BIRC6: variants seen among roughly 807,000 people sequenced by gnomAD.
BIRC6 encodes the protein baculoviral IAP repeat containing 6, also known as dual E2 ubiquitin-conjugating enzyme/E3 ubiquitin-protein ligase BIRC6.
A neutral mutation model predicts 503.3 loss-of-function variants in BIRC6; 98 were observed. The observed-to-expected ratio is 0.19, with a 90% confidence interval of 0.17 to 0.23. BIRC6 has a LOEUF of 0.23. Among genes scored for constraint, BIRC6 ranks in the 10% least tolerant of loss-of-function variants. The probability of loss-of-function intolerance (pLI) is 1.00; values close to 1 mark genes in which losing one functional copy is unlikely to be tolerated. For missense variants in BIRC6, 5,360 were observed against 5,806.0 expected (o/e 0.92, Z 2.50); for synonymous variants, 2,240 against 2,078.7 (o/e 1.08, Z -2.11).
chr2:32,382,042 G>A lies in BIRC6; in HGVS notation c.645+1752G>A, dbSNP rs540365146. Among the ~76,000 whole-genome samples the A allele has an allele frequency of 5.3e-5, 8 of 152,244 alleles. No homozygotes were observed. The South Asian group carries it at 1.5e-3, about 28-fold the overall frequency. ...TGAGTTTCAACAGAGATAATTTATTGTAAGAAATTAACTGGTGTTTGAAAA... is the reference window on the plus strand; with the variant it reads ...TGAGTTTCAACAGAGATAATTTATTATAAGAAATTAACTGGTGTTTGAAAA... On this transcript the variant is annotated intron_variant, in intron 3 of 73. Coordinates refer to ENST00000421745, the MANE Select transcript of BIRC6 (RefSeq NM_016252.4).
chr2:32,488,658 G>A lies in BIRC6; in HGVS notation c.8039G>A (p.Gly2680Glu). Reference protein sequence around the residue: ...NSSSTGNKENGADIFLYNANR... With the variant: ...NSSSTGNKENEADIFLYNANR... ...AGTTCAACTGGAAACAAAGAAAATG[G>A]AGCAGACATATTTTTATATAATGCT... The change falls in exon 42 of 74, where the codon GGA (glycine) becomes GAA (glutamate). Residue 2680 changes from glycine to glutamate, a missense_variant. This residue lies in a region of BIRC6 where 2,299 missense variants were observed against 2,267.2 expected (regional missense o/e 1.01). Transcript: ENST00000421745. The A allele has an allele frequency of 6.7e-7, 1 of 1,500,928 alleles. No homozygotes were observed. The highest frequency in any genetic ancestry group is 9.1e-7 in the Non-Finnish European group (1 of 1,104,792). The allele number at this position is 1,500,928 out of a possible 1,614,324, so 93.0% of individuals were successfully genotyped here.
chr2:32,592,841 C>T (rs1454042773), intron 66 of BIRC6, among the ~76,000 whole-genome samples: 1 of 151,692 alleles, frequency 6.6e-6, no homozygotes, highest in African/African-American at 2.4e-5. Context: ...GTGTTCCACC[C>T]GCCTCAGCCT....
chr2:32,420,582 T>G (rs954420547), intron 10 of BIRC6, among the ~76,000 whole-genome samples: 3 of 152,082 alleles, frequency 2.0e-5, no homozygotes, highest in Non-Finnish European at 2.9e-5. Context: ...GGTGCAGTTT[T>G]GGCTCACTGC....
chr2:32,469,758 G>GT, intron 30 of BIRC6, 144 bp downstream of exon 30: 1 of 734,048 alleles, frequency 1.4e-6, no homozygotes, highest in Non-Finnish European at 2.3e-6. Flanking sequence ...ACCAGTGAAG[G>GT]GCACCAGCAC....
At position 32,545,684 on chromosome 2, in the gene BIRC6, C is replaced by T; in HGVS notation, c.12634C>T (p.Leu4212Phe). ...QSPSANVLPT[L>F]PFHVLRSLFS... is the part of the protein sequence containing the mutation. Reference sequence around the variant, plus strand: ...TCCATCAGCCAATGTGCTTCCAACCCTTCCTTTCCACGTCCTTCGTAGCTT... The same window carrying T: ...TCCATCAGCCAATGTGCTTCCAACCTTTCCTTTCCACGTCCTTCGTAGCTT... The change falls in exon 63 of 74, where the codon CTT (leucine) becomes TTT (phenylalanine). Residue 4212 changes from leucine (L) to phenylalanine (F), a missense_variant. By Grantham distance (22) the Leu-to-Phe change is conservative (BLOSUM62 0). This residue lies in a region of BIRC6 where 477 missense variants were observed against 574.4 expected (regional missense o/e 0.83). Transcript: ENST00000421745. 1.2e-6 allele frequency: 2 copies of T among 1,613,850 alleles called. No homozygotes were observed. The highest frequency in any genetic ancestry group is 1.7e-6 in the Non-Finnish European group (2 of 1,179,792).
chr2:32,480,267 C>G (rs759771202), intron 37 of BIRC6, among the ~76,000 whole-genome samples: 11 of 152,122 alleles, frequency 7.2e-5, no homozygotes, highest in Non-Finnish European at 1.2e-4. Flanking sequence ...TCTGTCATTC[C>G]CAGCAGAGTT....
intron 8 of BIRC6, among the ~76,000 whole-genome samples, chr2:32,406,294 G>A (rs954255475): frequency 1.3e-5 from 2 of 152,060 alleles, no homozygotes; most frequent in Non-Finnish European, 2.9e-5. Context: ...TACACGGGAG[G>A]CTGAGGCAGG....
intron 60 of BIRC6, among the ~76,000 whole-genome samples, chr2:32,530,532 T>G (rs1023787080): frequency 3.9e-5 from 6 of 152,200 alleles, no homozygotes; most frequent in Non-Finnish European, 8.8e-5. Context: ...TAAATATTTT[T>G]GAATATCCAT....
rs773259395 is a variant in BIRC6, at chr2:32,464,832, T to C, written c.5256+9T>C. The C allele has an allele frequency of 1.9e-6, 3 of 1,593,412 alleles. No individual in the cohort carries two copies. Among genetic ancestry groups the C allele is most frequent in the South Asian group, 1.1e-5 (1 of 88,414 alleles). ...CCAACAAGTCCAGAATGGTAAATTA[T>C]GTTTTAAATAGGTGTTGGCTTAGAC... On this transcript the variant is annotated intron_variant, in intron 25 of 73. Transcript: ENST00000421745.
At position 32,559,736 on chromosome 2, in the gene BIRC6, A is replaced by AT. The variant is rs567309323; in HGVS notation, c.13144+10256dup. Among the ~76,000 whole-genome samples the AT allele has an allele frequency of 8.8e-3, 1,334 of 151,502 alleles. 21 individuals carry two copies. The highest frequency in any genetic ancestry group is 0.029 in the African/African-American group (1,214 of 41,292). ...CAAAATCTTTAAAAAAAAAAAAAAA[A>AT]TAAGGCCGGCACAGTGGCTCACACC... is the stretch of plus-strand genomic sequence containing the variant. On this transcript the variant is annotated intron_variant, in intron 65 of 73. Coordinates refer to ENST00000421745, the MANE Select transcript of BIRC6 (RefSeq NM_016252.4).
chr2:32,407,072 A>C (rs2041301234), intron 9 of BIRC6, among the ~76,000 whole-genome samples: 1 of 152,214 alleles, frequency 6.6e-6, no homozygotes, highest in African/African-American at 2.4e-5. Context: ...CAGAATTTAA[A>C]TCCTAACTCT....
chr2:32,575,748 G>C (rs112108096), intron 66 of BIRC6, among the ~76,000 whole-genome samples: 2 of 151,472 alleles, frequency 1.3e-5, no homozygotes, highest in African/African-American at 4.9e-5. Flanking sequence ...CTGGGTGACA[G>C]AGCGAGACTC....
intron 65 of BIRC6, among the ~76,000 whole-genome samples, chr2:32,569,324 G>A (rs2059764504): frequency 6.6e-6 from 1 of 151,678 alleles, no homozygotes; most frequent in Admixed American, 6.6e-5. Context: ...TACTTCCTTG[G>A]TTAAATATAT....
intron 65 of BIRC6, among the ~76,000 whole-genome samples, chr2:32,562,358 T>C (rs996863013): frequency 6.6e-6 from 1 of 152,244 alleles, no homozygotes; most frequent in African/African-American, 2.4e-5. Flanking sequence ...AGTACAGAGT[T>C]CCCATATATG....
chr2:32,555,653 A>G lies in BIRC6; in HGVS notation c.13144+6172A>G, dbSNP rs140102608. 8.6e-3 allele frequency among the ~76,000 whole-genome samples: 1,302 copies of G among 151,474 alleles called. 10 individuals are homozygous for G. Among genetic ancestry groups the G allele is most frequent in the Middle Eastern group, 0.021 (6 of 292 alleles). On this transcript the variant is annotated intron_variant, in intron 65 of 73. Coordinates refer to ENST00000421745, the MANE Select transcript of BIRC6 (RefSeq NM_016252.4). ...AAAAAAATAAAAAAATAAAAATAAA[A>G]TAATCTATCAGATTATTCTACTAAT...
Position 32,475,181 on chromosome 2 carries a change from GT to G in BIRC6, c.6721-1031del, listed in dbSNP as rs1222531126. On this transcript the variant is annotated intron_variant, in intron 33 of 73. Coordinates refer to ENST00000421745, the MANE Select transcript of BIRC6 (RefSeq NM_016252.4). ...TCTTAAAAAAAAAAAAAAAAAAAAA[GT>G]GTCAATAGTAGTAATTTAGAAAGTG... Among the ~76,000 whole-genome samples, 45 of 117,036 alleles carry G rather than the reference GT, an allele frequency of 3.8e-4. 1 individual carries two copies. Among genetic ancestry groups the G allele is most frequent in the African/African-American group, 1.5e-3 (43 of 28,962 alleles). 76.8% of individuals were successfully genotyped at this position (117,036 alleles called of 152,430 possible).
chr2:32,436,643 T>C (rs2044739644), intron 15 of BIRC6, among the ~76,000 whole-genome samples: 1 of 152,036 alleles, frequency 6.6e-6, no homozygotes, highest in African/African-American at 2.4e-5. Context: ...GTAGTGGCGC[T>C]ATCTTTGCTC....
chr2:32,371,597 G>A (rs2149277470), intron 1 of BIRC6, among the ~76,000 whole-genome samples: 1 of 152,140 alleles, frequency 6.6e-6, no homozygotes, highest in East Asian at 1.9e-4. Flanking sequence ...TACCCAGGCT[G>A]CTCTCAAACT....
At chr2:32,392,508 G>A (rs1264201748) in intron 5 of BIRC6, among the ~76,000 whole-genome samples, 1 of 152,036 alleles carries the variant, frequency 6.6e-6, no homozygotes, top group African/African-American at 2.4e-5. Flanking sequence ...TGCCTGCCTC[G>A]GCCTCCCAAA....
Sources: gnomAD v4.1 joint callset for allele counts (sites outside exome capture counted in the v4.1 genomes callset) on GRCh38, gnomAD v4.1.1 for gene constraint, gnomAD v4.1.1 regional missense constraint, MANE v1.5 for transcripts, NCBI Gene and HGNC (gene_info 2026-07-23, HGNC 2026-07-21) for gene names.